The following GBF1 variants were observed in gnomAD, a reference collection of about 807,000 sequenced individuals.
GBF1 encodes golgi brefeldin A resistant guanine nucleotide exchange factor 1, also known as Golgi-specific brefeldin A-resistance guanine nucleotide exchange factor 1.
A neutral mutation model predicts 210.5 loss-of-function variants in GBF1; 114 were observed. That is an observed-to-expected ratio of 0.54 (90% CI 0.47 to 0.63). The LOEUF (loss-of-function observed/expected upper bound fraction) is 0.63, where lower values mean the gene tolerates loss of function less well. Ranked by LOEUF, GBF1 falls within the 30% of genes least tolerant of loss-of-function variation. The pLI, the probability that GBF1 is intolerant of heterozygous loss-of-function variation, is 0.00. For missense variants in GBF1, 1,851 were observed against 2,357.7 expected (o/e 0.79, Z 4.45); for synonymous variants, 850 against 889.2 (o/e 0.96, Z 0.78).
chr10:102,293,882 A>T (rs1215685515), intron 3 of GBF1, among the ~76,000 whole-genome samples: 1 of 147,410 alleles, frequency 6.8e-6, no homozygotes, highest in African/African-American at 2.5e-5. Context: ...GGTTCACACC[A>T]TTCTCCTGCC....
intron 11 of GBF1, 49 bp from the exon 12 acceptor site, chr10:102,360,135 C>T: frequency 8.4e-7 from 1 of 1,186,176 alleles, no homozygotes; most frequent in Non-Finnish European, 1.3e-6. Context: ...GCAAAGCCAG[C>T]AGACTAGTTG....
At chr10:102,306,077 G>T (rs1427992670) in intron 3 of GBF1, among the ~76,000 whole-genome samples, 1 of 152,152 alleles carries the variant, frequency 6.6e-6, no homozygotes, top group Non-Finnish European at 1.5e-5. Flanking sequence ...GGATACCTAA[G>T]AAGAAGCCTG....
chr10:102,249,708 C>A, intron 1 of GBF1, among the ~76,000 whole-genome samples: 2 of 100,246 alleles, frequency 2.0e-5, no homozygotes, highest in South Asian at 3.1e-4. Context: ...TTTTTTTTTT[C>A]TCTGATGGAG....
intron 3 of GBF1, 107 bp from the exon 4 acceptor site, chr10:102,343,944 G>T: frequency 1.3e-6 from 1 of 779,678 alleles, no homozygotes; most frequent in South Asian, 1.7e-5. Context: ...GAAGAAGATT[G>T]ACCCAACAAC....
intron 3 of GBF1, among the ~76,000 whole-genome samples, chr10:102,341,052 T>C (rs2058149841): frequency 6.6e-6 from 1 of 152,166 alleles, no homozygotes; most frequent in Admixed American, 6.6e-5. Flanking sequence ...TACTTAGAAA[T>C]AACTGTATCA....
chr10:102,308,424 A>G (rs1036734696), intron 3 of GBF1, among the ~76,000 whole-genome samples: 3 of 152,150 alleles, frequency 2.0e-5, no homozygotes, highest in African/African-American at 4.8e-5. Flanking sequence ...ACACACGCAC[A>G]CGTATGTTTA....
At chr10:102,372,778 A>T (rs12572826) in intron 29 of GBF1, among the ~76,000 whole-genome samples, 1 of 152,196 alleles carries the variant, frequency 6.6e-6, no homozygotes, top group South Asian at 2.1e-4. Context: ...ATTAACTCCA[A>T]TGGATCATAG....
intron 4 of GBF1, among the ~76,000 whole-genome samples, chr10:102,350,075 G>A (rs1046137413): frequency 6.6e-6 from 1 of 152,150 alleles, no homozygotes; most frequent in African/African-American, 2.4e-5. Context: ...TTTGGGCCAG[G>A]CATGGTAGCT....
At chr10:102,318,071 G>T (rs2056001171) in intron 3 of GBF1, among the ~76,000 whole-genome samples, 1 of 152,024 alleles carries the variant, frequency 6.6e-6, no homozygotes, top group South Asian at 2.1e-4. Flanking sequence ...ACCACGCCTG[G>T]CTAATTTTTT....
At chr10:102,322,502 T>C (rs1400582979) in intron 3 of GBF1, among the ~76,000 whole-genome samples, 2 of 152,120 alleles carry the variant, frequency 1.3e-5, no homozygotes, top group African/African-American at 2.4e-5. Context: ...CCACTATAAA[T>C]TCCTTTTATC....
chr10:102,284,784 G>A (rs1208886327), intron 3 of GBF1, among the ~76,000 whole-genome samples: 1 of 152,102 alleles, frequency 6.6e-6, no homozygotes, highest in Non-Finnish European at 1.5e-5. Context: ...ACCTAGGACT[G>A]GAATTGCTGG....
At position 102,366,557 on chromosome 10, in the gene GBF1, G is replaced by A. The variant is rs1376798235; in HGVS notation, c.2433+51G>A. 1.4e-6 allele frequency: 2 copies of A among 1,434,358 alleles called. No homozygotes were observed. Among genetic ancestry groups the A allele is most frequent in the Middle Eastern group, 2.0e-4 (1 of 4,942 alleles). The allele number at this position is 1,434,358 out of a possible 1,614,324, so 88.9% of individuals were successfully genotyped here. The stretch of plus-strand genomic sequence containing the variant: ...CCCAGGATCCAAGGTCAGTTTGACT[G>A]AGGGCTGAAGAATCCAGCTGCTGTC... On this transcript the variant is annotated intron_variant, in intron 19 of 39. Transcript: ENST00000369983. The surrounding 1 kb of genome is among the most constrained non-coding windows in gnomAD (Gnocchi z 4.0).
intron 3 of GBF1, among the ~76,000 whole-genome samples, chr10:102,333,912 G>A (rs902464083): frequency 2.0e-5 from 3 of 152,168 alleles, no homozygotes; most frequent in African/African-American, 7.2e-5. Context: ...TCCTAAAATG[G>A]AATGTACAGA....
chr10:102,358,485 G>GT, intron 9 of GBF1, 21 bp from the exon 10 acceptor site: 1 of 1,557,036 alleles, frequency 6.4e-7, no homozygotes, highest in Non-Finnish European at 8.9e-7. Flanking sequence ...TCCTTCAAGC[G>GT]TCACATACTT....
the GBF1 span, chr10:102,231,479 G>A: frequency 2.6e-5 from 19 of 730,034 alleles, no homozygotes; most frequent in African/African-American, 3.5e-5. Context: ...AGGGTCCGGG[G>A]TCCGGGGTCC....
At chr10:102,353,985 C>T (rs1037268558) in intron 8 of GBF1, among the ~76,000 whole-genome samples, 8 of 152,218 alleles carry the variant, frequency 5.3e-5, no homozygotes, top group African/African-American at 9.6e-5. Flanking sequence ...TAGCCTTATC[C>T]GCAGGTAGAA....
intron 3 of GBF1, among the ~76,000 whole-genome samples, chr10:102,318,679 C>G (rs1050739213): frequency 1.3e-5 from 2 of 152,074 alleles, no homozygotes; most frequent in South Asian, 2.1e-4. Flanking sequence ...CAACTTCCCC[C>G]CCTTCAAGGT....
chr10:102,296,278 G>C (rs569662520), intron 3 of GBF1, among the ~76,000 whole-genome samples: 2 of 152,188 alleles, frequency 1.3e-5, no homozygotes, highest in South Asian at 2.1e-4. Context: ...AAGAAAGAAG[G>C]GTTATGGTTT....
chr10:102,306,678 C>T (rs1258267758), intron 3 of GBF1, among the ~76,000 whole-genome samples: 1 of 152,234 alleles, frequency 6.6e-6, no homozygotes, highest in Non-Finnish European at 1.5e-5. Context: ...CCCACCTGGG[C>T]CTCCCAAAGT....
Sources: gnomAD v4.1 joint callset for allele counts (sites outside exome capture counted in the v4.1 genomes callset) on GRCh38, gnomAD v4.1.1 for gene constraint, Gnocchi (gnomAD v3.1) non-coding constraint, MANE v1.5 for transcripts, NCBI Gene and HGNC (gene_info 2026-07-23, HGNC 2026-07-21) for gene names.